NIPBL: variants seen among roughly 807,000 people sequenced by gnomAD.
NIPBL encodes the protein NIPBL cohesin loading factor.
NIPBL carries 19 observed loss-of-function variants against 321.8 expected under a neutral mutation model. That is an observed-to-expected ratio of 0.06 (90% confidence interval 0.04 to 0.09). NIPBL has a LOEUF of 0.09. NIPBL is among the 10% of genes least tolerant of loss of function. NIPBL has a pLI of 1.00. For missense variants in NIPBL, 2,210 were observed against 3,327.0 expected (o/e 0.66, Z 8.26); for synonymous variants, 1,106 against 1,114.1 (o/e 0.99, Z 0.14).
At chr5:37,032,404 TG>T (rs1751152101) in intron 32 of NIPBL, among the ~76,000 whole-genome samples, 2 of 146,512 alleles carry the variant, frequency 1.4e-5, no homozygotes, top group Admixed American at 1.4e-4. Flanking sequence ...TGTGTGTGTG[TG>T]TGTGTGTGTG....
intron 1 of NIPBL, among the ~76,000 whole-genome samples, chr5:36,919,124 G>A (rs1748716145): frequency 6.6e-6 from 1 of 151,992 alleles, no homozygotes. Flanking sequence ...TTGTACCTCT[G>A]GTAGAATTCG....
At chr5:37,055,846 A>C (rs950899392) in intron 42 of NIPBL, among the ~76,000 whole-genome samples, 2 of 152,068 alleles carry the variant, frequency 1.3e-5, no homozygotes, top group East Asian at 3.9e-4. Context: ...TCTCTACAAA[A>C]ATTAAAAAAT....
intron 34 of NIPBL, 56 bp from the exon 35 acceptor site, chr5:37,044,289 GTA>G: frequency 6.7e-7 from 1 of 1,503,322 alleles, no homozygotes; most frequent in Non-Finnish European, 9.2e-7. Flanking sequence ...ACGTAAAGCT[GTA>G]TATAGTTTCT....
intron 1 of NIPBL, among the ~76,000 whole-genome samples, chr5:36,929,534 T>C (rs887375077): frequency 4.6e-5 from 7 of 152,108 alleles, no homozygotes; most frequent in African/African-American, 1.7e-4. Flanking sequence ...ATTGATATCA[T>C]TTGAACTATG....
Position 36,975,726 on chromosome 5 carries a change from G to GA in NIPBL, c.869-46dup, listed in dbSNP as rs1454886729. The GA allele has an allele frequency of 1.1e-5, 18 of 1,565,942 alleles. No individual in the cohort carries two copies. In the East Asian group the frequency reaches 4.0e-4, roughly 35 times the overall value. ...TATTAATATTTCTATCACATTGTAA[G>GA]AAAATGTGAAACCACCACAACTGTT... On this transcript the variant is annotated intron_variant, in intron 8 of 46. Coordinates refer to ENST00000282516, the MANE Select transcript of NIPBL (RefSeq NM_133433.4).
chr5:36,901,304 C>G (rs982863124), intron 1 of NIPBL, among the ~76,000 whole-genome samples: 1 of 152,108 alleles, frequency 6.6e-6, no homozygotes, highest in African/African-American at 2.4e-5. Flanking sequence ...ACATAGTATT[C>G]CATGGTGTAT....
At chr5:36,954,175 C>T (rs1422748087) in intron 2 of NIPBL, among the ~76,000 whole-genome samples, 1 of 151,938 alleles carries the variant, frequency 6.6e-6, no homozygotes, top group Non-Finnish European at 1.5e-5. Context: ...GTCATCCTAC[C>T]TGAATAAATA....
intron 1 of NIPBL, among the ~76,000 whole-genome samples, chr5:36,932,027 C>T (rs1202890812): frequency 6.6e-6 from 1 of 152,050 alleles, no homozygotes; most frequent in Non-Finnish European, 1.5e-5. Flanking sequence ...TTTAATTTCT[C>T]TCATGATTTC....
intron 18 of NIPBL, among the ~76,000 whole-genome samples, chr5:37,007,704 G>C (rs940006840): frequency 2.0e-5 from 3 of 151,882 alleles, no homozygotes; most frequent in Non-Finnish European, 4.4e-5. Context: ...TTTGAAAGAT[G>C]GGTTATATTT....
intron 1 of NIPBL, among the ~76,000 whole-genome samples, chr5:36,945,741 C>G (rs967152652): frequency 1.3e-5 from 2 of 152,088 alleles, no homozygotes. Context: ...TACAGTGCAG[C>G]TTATTGGGAA....
At chr5:37,021,763 A>G (rs1749672149) in intron 27 of NIPBL, among the ~76,000 whole-genome samples, 3 of 152,246 alleles carry the variant, frequency 2.0e-5, no homozygotes, top group Non-Finnish European at 4.4e-5. Context: ...TTCAAGTTAC[A>G]CATAGCAAGG....
In NIPBL at chr5:37,064,946, CT is replaced by C; in HGVS notation, c.*56del. The C allele has an allele frequency of 3.1e-6, 5 of 1,605,712 alleles. No homozygotes were observed. The Middle Eastern group carries it at 5.0e-4, about 160-fold the overall frequency. On this transcript the variant is annotated 3_prime_UTR_variant, in exon 47 of 47. Transcript: ENST00000282516. ...GGAATTTTTTTAAAAGGCAGAAAAACTTGAAATACCAACATTCTGGCAAAAA... is the reference window on the plus strand; with the variant it reads ...GGAATTTTTTTAAAAGGCAGAAAAACTGAAATACCAACATTCTGGCAAAAA...
At chr5:36,963,918 G>T (rs1362345239) in intron 6 of NIPBL, among the ~76,000 whole-genome samples, 1 of 152,070 alleles carries the variant, frequency 6.6e-6, no homozygotes, top group East Asian at 1.9e-4. Context: ...AAGTCTGAGG[G>T]ACATTTTACA....
intron 1 of NIPBL, among the ~76,000 whole-genome samples, chr5:36,903,977 A>G (rs1389841593): frequency 6.6e-6 from 1 of 152,236 alleles, no homozygotes; most frequent in Non-Finnish European, 1.5e-5. Flanking sequence ...GGAATATATT[A>G]GATTAAATTA....
chr5:37,041,941 T>C (rs1458646367), intron 34 of NIPBL, among the ~76,000 whole-genome samples: 1 of 152,116 alleles, frequency 6.6e-6, no homozygotes, highest in African/African-American at 2.4e-5. Context: ...AAAATTCTTC[T>C]ATCCCTAGAC....
At chr5:37,021,958 A>G (rs1266975633) in intron 27 of NIPBL, 93 bp from the exon 28 acceptor site, 2 of 920,490 alleles carry the variant, frequency 2.2e-6, no homozygotes, top group Non-Finnish European at 3.5e-6. Context: ...GAGGTAAATA[A>G]TAGATTTGTT....
intron 6 of NIPBL, among the ~76,000 whole-genome samples, chr5:36,969,231 G>T (rs761039396): frequency 4.6e-5 from 7 of 152,092 alleles, no homozygotes; most frequent in Admixed American, 2.6e-4. Flanking sequence ...TATTACACCC[G>T]TATCTATAAA....
chr5:36,882,908 C>T (rs578248938), intron 1 of NIPBL, among the ~76,000 whole-genome samples: 3 of 150,246 alleles, frequency 2.0e-5, no homozygotes, highest in South Asian at 4.2e-4. Context: ...CACCTTGTTA[C>T]TTTACTTCGT....
chr5:36,898,263 A>G (rs557234692), intron 1 of NIPBL, among the ~76,000 whole-genome samples: 17 of 152,296 alleles, frequency 1.1e-4, no homozygotes, highest in African/African-American at 3.4e-4. Context: ...TATCATTAAT[A>G]TTGTTGTTCT....
Sources: allele counts gnomAD v4.1 joint callset (sites outside exome capture counted in the v4.1 genomes callset), GRCh38; gene constraint gnomAD v4.1.1; transcripts MANE v1.5; gene names NCBI Gene and HGNC (gene_info 2026-07-23, HGNC 2026-07-21).